NFATC1: variants seen among roughly 807,000 people sequenced by gnomAD.
NFATC1 encodes nuclear factor of activated T-cells, cytoplasmic 1.
Under a neutral mutation model 76.0 loss-of-function variants are expected in NFATC1, and 22 were observed. The observed-to-expected ratio is 0.29, with a 90% CI of 0.21 to 0.41. The LOEUF is 0.41. Among genes scored for constraint, NFATC1 ranks in the 10% least tolerant of loss-of-function variants. The probability of loss-of-function intolerance (pLI) is 1.00; values close to 1 mark genes in which losing one functional copy is unlikely to be tolerated. For synonymous variants in NFATC1, 704 were observed against 613.1 expected, an observed-to-expected ratio of 1.15 and a Z score of -2.19; for missense variants, 1,357 against 1,337.7, an observed-to-expected ratio of 1.01 and a Z score of -0.23.
Position 79,450,946 on chromosome 18 carries a change from T to G in NFATC1, c.1590-8T>G, listed in dbSNP as rs775114548. ...GAAAGAAAAGCTGTGGGCTTTTGTTTTGGGCAGCATTGACTGTGCCGGAAT... is the reference window on the plus strand; with the variant it reads ...GAAAGAAAAGCTGTGGGCTTTTGTTGTGGGCAGCATTGACTGTGCCGGAAT... On this transcript the variant is annotated splice_polypyrimidine_tract_variant and splice_region_variant and intron_variant, in intron 4 of 9. Transcript: ENST00000427363. The G allele has an allele frequency of 2.6e-5, 42 of 1,609,566 alleles. No individual in the cohort carries two copies. In the Admixed American group the frequency reaches 4.9e-4, roughly 19 times the overall value.
At chr18:79,511,373 C>T (rs528057834) in intron 9 of NFATC1, among the ~76,000 whole-genome samples, 2 of 152,146 alleles carry the variant, frequency 1.3e-5, no homozygotes, top group Non-Finnish European at 2.9e-5. Context: ...GGTCATGGTG[C>T]GTTGTCTCCG....
rs866322571 is a variant in NFATC1 at position 79,461,324 on chromosome 18, C to T, written c.1917C>T (p.Val639=). Residue 639 remains valine, a synonymous_variant, in exon 7 of 10, where the codon GTC becomes GTT. Coordinates refer to ENST00000427363, the MANE Select transcript of NFATC1 (RefSeq NM_001278669.2). ...CCTTTCTTCCAGATGGCCACCATGT[C>T]TGGGAGATGGAAGCGAAAACTGACC... ...FVEKAPDGHH[V]WEMEAKTDRD... is the part of the protein sequence containing the mutation. 84 of 1,526,718 alleles carry T rather than the reference C, an allele frequency of 5.5e-5. No individual in the cohort carries two copies. The highest frequency in any genetic ancestry group is 3.5e-4 in the Middle Eastern group (2 of 5,706). 94.6% of individuals were successfully genotyped at this position (1,526,718 alleles called of 1,614,324 possible). A position where few individuals can be genotyped will look rare whatever the true frequency, so the allele number is the denominator to read the frequency against.
intron 8 of NFATC1, chr18:79,470,046 C>T (rs1600838288): frequency 7.2e-6 from 7 of 978,602 alleles, no homozygotes; most frequent in Admixed American, 1.2e-4. Flanking sequence ...CCCGCGTGCC[C>T]GCTGCACTTC....
intron 1 of NFATC1, chr18:79,400,541 GC>G (rs1600574728): frequency 7.8e-7 from 1 of 1,279,318 alleles, no homozygotes; most frequent in Non-Finnish European, 1.0e-6. Context: ...GGGCGCCCAG[GC>G]CCCCTCCGCG....
rs745449379 is a variant in NFATC1 at position 79,411,404 on chromosome 18, A to G, written c.1129A>G (p.Ile377Val). 18 of 1,565,230 alleles carry G rather than the reference A, an allele frequency of 1.1e-5. No homozygotes were observed. Among genetic ancestry groups the G allele is most frequent in the Non-Finnish European group, 1.5e-5 (17 of 1,158,638 alleles). The change falls in exon 2 of 10, where the codon ATC becomes GTC. Residue 377 changes from isoleucine to valine, a missense_variant. This residue lies in a region of NFATC1 where 691 missense variants were observed against 613.1 expected (regional missense o/e 1.13). Coordinates refer to ENST00000427363, the MANE Select transcript of NFATC1 (RefSeq NM_001278669.2). ...APEDYSSFQH[I>V]RKGGFCDQYL... is the part of the protein sequence containing the mutation. ...CGAAGACTACTCCTCTTTCCAGCAC[A>G]TCAGGAAGGGCGGCTTCTGCGACCA...
chr18:79,447,282 G>A (rs1337120279), intron 3 of NFATC1, among the ~76,000 whole-genome samples: 3 of 152,218 alleles, frequency 2.0e-5, no homozygotes, highest in Non-Finnish European at 1.5e-5. Context: ...CCCCTGGCCC[G>A]GGCTCCCCCG....
chr18:79,411,371 T>C lies in NFATC1; in HGVS notation c.1096T>C (p.Phe366Leu). ...GGGCAGCCCCCCGCCCCCGGCCGAC[T>C]TCGCGCCCGAAGACTACTCCTCTTT... Reference protein sequence around the residue: ...DLGSPPPPADFAPEDYSSFQH... With the variant: ...DLGSPPPPADLAPEDYSSFQH... Residue 366 changes from phenylalanine (F) to leucine (L), a missense_variant, in exon 2 of 10, where the codon TTC becomes CTC. Physicochemically the swap from Phe to Leu is conservative, Grantham distance 22. Transcript: ENST00000427363. 6.3e-7 allele frequency: 1 copy of C among 1,586,672 alleles called. No homozygotes were observed. Among genetic ancestry groups the C allele is most frequent in the Non-Finnish European group, 8.6e-7 (1 of 1,168,692 alleles).
At chr18:79,509,436 G>T (rs943662199) in intron 9 of NFATC1, among the ~76,000 whole-genome samples, 6 of 152,226 alleles carry the variant, frequency 3.9e-5, no homozygotes, top group Non-Finnish European at 7.3e-5. Flanking sequence ...GGCGGCGAGG[G>T]GGTTGGCCAT....
chr18:79,425,287 T>TCTGTCTGTCTG (rs2086286769), intron 2 of NFATC1, among the ~76,000 whole-genome samples: 1 of 115,630 alleles, frequency 8.6e-6, no homozygotes, highest in East Asian at 2.2e-4. Context: ...CTGTCTGTCT[T>TCTGTCTGTCTG]TCTTTCTTAC....
In NFATC1 at chr18:79,522,506, T is replaced by TG. The variant is rs1287204348; in HGVS notation, c.2783-5021dup. ...GGAGGGTATCTGCTGATGTGTTTTGTGTGGGGGGGGTGCGTCCACTGATGT... is the reference window on the plus strand; with the variant it reads ...GGAGGGTATCTGCTGATGTGTTTTGTGGTGGGGGGGGTGCGTCCACTGATGT... On this transcript the variant is annotated intron_variant, in intron 9 of 9. Coordinates refer to ENST00000427363, the MANE Select transcript of NFATC1 (RefSeq NM_001278669.2). Among the ~76,000 whole-genome samples the TG allele has an allele frequency of 8.5e-5, 7 of 82,422 alleles. No individual in the cohort carries two copies. The South Asian group carries it at 1.5e-3, about 17-fold the overall frequency. 54.1% of individuals were successfully genotyped at this position (82,422 alleles called of 152,430 possible).
At chr18:79,504,426 A>C (rs1276877288) in intron 9 of NFATC1, among the ~76,000 whole-genome samples, 3 of 152,194 alleles carry the variant, frequency 2.0e-5, no homozygotes, top group African/African-American at 7.2e-5. Context: ...ATGGCTGGTC[A>C]GTGGAGCAGT....
intron 2 of NFATC1, among the ~76,000 whole-genome samples, chr18:79,426,233 T>C (rs56152562): frequency 0.33 from 49,603 of 150,850 alleles, 9,877 homozygotes; most frequent in African/African-American, 0.56. Flanking sequence ...TTTCAGGATA[T>C]GTCTTTTTTT....
In NFATC1 at chr18:79,448,872, C is replaced by G. The variant is rs1264794605; in HGVS notation, c.1477C>G (p.Gln493Glu). 3 of 1,613,826 alleles carry G rather than the reference C, an allele frequency of 1.9e-6. No individual in the cohort carries two copies. The highest frequency in any genetic ancestry group is 2.5e-6 in the Non-Finnish European group (3 of 1,180,034). ...DRLLRPHAFY[Q>E]VHRITGKTVS... ...CCTGCTGCGCCCGCACGCCTTCTAC[C>G]AGGTGCACCGCATCACAGGGAAGAC... The change falls in exon 4 of 10, where the codon CAG becomes GAG. Residue 493 changes from glutamine to glutamate, a missense_variant. Physicochemically the swap from Gln to Glu is conservative, Grantham distance 29. Transcript: ENST00000427363.
At chr18:79,446,395 AC>A (rs1187625786) in intron 3 of NFATC1, among the ~76,000 whole-genome samples, 9 of 150,074 alleles carry the variant, frequency 6.0e-5, no homozygotes, top group African/African-American at 1.2e-4. Context: ...CCCCTCCCCC[AC>A]CCCCCGAGGT....
At chr18:79,396,574 C>T (rs1187870731) in intron 1 of NFATC1, among the ~76,000 whole-genome samples, 5 of 152,184 alleles carry the variant, frequency 3.3e-5, no homozygotes, top group African/African-American at 9.6e-5. Context: ...GGTGTCTCCT[C>T]TGCCCCAGCG....
chr18:79,476,954 T>TC (rs1393433252), intron 8 of NFATC1, among the ~76,000 whole-genome samples: 1 of 152,158 alleles, frequency 6.6e-6, no homozygotes, highest in Non-Finnish European at 1.5e-5. Flanking sequence ...GAGCACAAAT[T>TC]CCCAAAGGCG....
At chr18:79,446,864 A>C (rs1165381796) in intron 3 of NFATC1, among the ~76,000 whole-genome samples, 1 of 152,134 alleles carries the variant, frequency 6.6e-6, no homozygotes, top group East Asian at 1.9e-4. Context: ...TGGCTTCCCC[A>C]CCGTGTTCCC....
chr18:79,516,834 C>CT (rs112250060), intron 9 of NFATC1, among the ~76,000 whole-genome samples: 15 of 152,340 alleles, frequency 9.8e-5, no homozygotes, highest in African/African-American at 3.1e-4. Context: ...TTTCTGATCT[C>CT]TAATTTGTGG....
At chr18:79,424,593 C>CTCTCTCTGTCTCTCCGTCTG (rs532026999) in intron 2 of NFATC1, among the ~76,000 whole-genome samples, 1,730 of 150,298 alleles carry the variant, frequency 0.012, 52 homozygotes, top group African/African-American at 0.041. Flanking sequence ...CTTTCTCTGT[C>CTCTCTCTGTCTCTCCGTCTG]TCTCTCTGTC....
Sources: allele counts gnomAD v4.1 joint callset (sites outside exome capture counted in the v4.1 genomes callset), GRCh38; gene constraint gnomAD v4.1.1; regional missense constraint gnomAD v4.1.1; transcripts MANE v1.5; gene names NCBI Gene and HGNC (gene_info 2026-07-23, HGNC 2026-07-21).